NSD1: variants seen among roughly 807,000 people sequenced by gnomAD.
The protein encoded by NSD1 is histone-lysine N-methyltransferase, H3 lysine-36 specific.
NSD1 carries 26 observed loss-of-function variants against 242.7 expected under a neutral mutation model. The ratio of observed to expected loss-of-function variants is 0.11; its 90% CI spans 0.08 to 0.15. The LOEUF (loss-of-function observed/expected upper bound fraction) is 0.15. NSD1 is among the 10% of genes least tolerant of loss of function. The pLI is 1.00. For missense variants in NSD1, 2,495 were observed against 3,272.8 expected, an observed-to-expected ratio of 0.76 and a Z score of 5.80; for synonymous variants, 1,106 against 1,178.1, an observed-to-expected ratio of 0.94 and a Z score of 1.25.
chr5:177,218,898 A>G (rs1764015871), intron 5 of NSD1, among the ~76,000 whole-genome samples: 1 of 150,978 alleles, frequency 6.6e-6, no homozygotes, highest in Non-Finnish European at 1.5e-5. Context: ...AGCTGGCCCT[A>G]ACGGGAGCCG....
rs1756526570 is a variant in NSD1, at chr5:177,257,079, G to A, written c.4894G>A (p.Gly1632Ser). The change falls in exon 13 of 23, where the codon GGC (glycine) becomes AGC (serine). Residue 1632 changes from glycine to serine, a missense_variant. Transcript: ENST00000439151. ...KYPPTVMQNK[G>S]FRCSLHICIT... The stretch of plus-strand genomic sequence containing the variant: ...CCCACCCACTGTTATGCAGAACAAG[G>A]GCTTCCGGTGCTCCCTCCACATCTG... 1 of 1,613,932 alleles carries A rather than the reference G, an allele frequency of 6.2e-7. No homozygotes were observed. The highest frequency in any genetic ancestry group is 1.1e-5 in the South Asian group (1 of 91,072).
intron 17 of NSD1, among the ~76,000 whole-genome samples, chr5:177,274,404 T>G (rs1334744340): frequency 6.6e-6 from 1 of 152,238 alleles, no homozygotes; most frequent in Non-Finnish European, 1.5e-5. Context: ...GAAATTTTAG[T>G]GTTATGTTGT....
Position 177,298,990 on chromosome 5 carries a change from T to G in NSD1, c.*3531T>G, listed in dbSNP as rs1225160670. ...GAGAAGGAGCTGCCTCCAGCCCCTT[T>G]CTTGCTGAGTTTCATTTGAGCAGTT... On this transcript the variant is annotated 3_prime_UTR_variant, in exon 23 of 23. Transcript: ENST00000439151. 3 of 233,186 alleles carry G rather than the reference T, an allele frequency of 1.3e-5. No homozygotes were observed. The Admixed American group carries it at 1.7e-4, about 13-fold the overall frequency. The allele number at this position is 233,186 out of a possible 1,614,324, so 14.4% of individuals were successfully genotyped here.
intron 5 of NSD1, among the ~76,000 whole-genome samples, chr5:177,235,419 G>A (rs1427979704): frequency 3.3e-5 from 5 of 151,948 alleles, no homozygotes; most frequent in Admixed American, 6.6e-5. Context: ...GATCCCAAGC[G>A]TTTCAGATAA....
At chr5:177,237,970 C>T (rs1765585043) in intron 6 of NSD1, among the ~76,000 whole-genome samples, 1 of 152,156 alleles carries the variant, frequency 6.6e-6, no homozygotes, top group African/African-American at 2.4e-5. Context: ...CCAATAACTC[C>T]CTTTTCTGCT....
intron 14 of NSD1, among the ~76,000 whole-genome samples, chr5:177,262,958 G>T (rs1376344936): frequency 6.6e-6 from 1 of 152,156 alleles, no homozygotes; most frequent in Non-Finnish European, 1.5e-5. Flanking sequence ...AGATTAAATT[G>T]TGTATTCAGT....
chr5:177,273,941 C>T (rs1056116259), intron 17 of NSD1, among the ~76,000 whole-genome samples, 157 bp downstream of exon 17: 3 of 152,294 alleles, frequency 2.0e-5, no homozygotes, highest in Admixed American at 2.0e-4. Context: ...CACGGTGGCT[C>T]ACGCTTGTAA....
At chr5:177,215,753 A>G (rs967466377) in intron 5 of NSD1, among the ~76,000 whole-genome samples, 2 of 152,122 alleles carry the variant, frequency 1.3e-5, no homozygotes, top group African/African-American at 4.8e-5. Context: ...TCGGCCTCCC[A>G]AAGTGTTGGG....
intron 8 of NSD1, among the ~76,000 whole-genome samples, chr5:177,243,310 G>A (rs1294051099): frequency 1.3e-5 from 2 of 151,980 alleles, no homozygotes; most frequent in African/African-American, 2.4e-5. Context: ...TCAGCCTCCC[G>A]AGTAGCTGGG....
intron 19 of NSD1, among the ~76,000 whole-genome samples, chr5:177,283,102 C>T (rs1444341968): frequency 3.3e-5 from 5 of 152,028 alleles, no homozygotes; most frequent in African/African-American, 4.8e-5. Context: ...TACAGGCATC[C>T]GCCACCACGC....
chr5:177,277,020 A>G (rs1758446975), intron 17 of NSD1, among the ~76,000 whole-genome samples: 1 of 152,200 alleles, frequency 6.6e-6, no homozygotes, highest in African/African-American at 2.4e-5. Flanking sequence ...GTCAGATAAC[A>G]GCAAGGTAGG....
At chr5:177,264,601 CA>C (rs1423779580) in intron 14 of NSD1, among the ~76,000 whole-genome samples, 1 of 152,190 alleles carries the variant, frequency 6.6e-6, no homozygotes, top group Non-Finnish European at 1.5e-5. Context: ...ACAATACAGA[CA>C]AAAGTGAGCT....
intron 2 of NSD1, among the ~76,000 whole-genome samples, chr5:177,170,755 C>A (rs1026978667): frequency 1.3e-5 from 2 of 152,098 alleles, no homozygotes; most frequent in African/African-American, 4.8e-5. Context: ...GTTATATAAT[C>A]ATTTTCTATA....
At chr5:177,276,651 C>A (rs1196201302) in intron 17 of NSD1, among the ~76,000 whole-genome samples, 1 of 152,050 alleles carries the variant, frequency 6.6e-6, no homozygotes, top group South Asian at 2.1e-4. Flanking sequence ...TTCTCCCCCC[C>A]TTTATTAGAG....
intron 2 of NSD1, among the ~76,000 whole-genome samples, chr5:177,185,037 G>A (rs2149812476): frequency 1.3e-5 from 2 of 152,118 alleles, no homozygotes; most frequent in Middle Eastern, 6.8e-3. Context: ...GGAGTTTTTG[G>A]TAACTAAAAC....
Position 177,282,563 on chromosome 5 carries a change from T to C in NSD1, c.5991T>C (p.Tyr1997=). 6.2e-7 allele frequency: 1 copy of C among 1,606,904 alleles called. No individual in the cohort carries two copies. Among genetic ancestry groups the C allele is most frequent in the East Asian group, 2.2e-5 (1 of 44,834 alleles). ...YAQEHDITNF[Y]MLTLDKDRII... ...AAGAACATGATATCACTAATTTCTA[T>C]ATGCTCACCCTAGACAAAGTAAGTA... The change falls in exon 19 of 23, where the codon TAT becomes TAC. Residue 1997 remains tyrosine (Y), a synonymous_variant. Coordinates refer to ENST00000439151, the MANE Select transcript of NSD1 (RefSeq NM_022455.5).
At chr5:177,246,919 A>T (rs948489917) in intron 10 of NSD1, 123 bp downstream of exon 10, 2 of 745,784 alleles carry the variant, frequency 2.7e-6, no homozygotes, top group African/African-American at 3.5e-5. Context: ...GCTGATGGCC[A>T]TAAGGAATCT....
intron 3 of NSD1, among the ~76,000 whole-genome samples, chr5:177,193,705 C>T (rs1222820606): frequency 6.6e-6 from 1 of 152,172 alleles, no homozygotes; most frequent in Non-Finnish European, 1.5e-5. Context: ...TTACTCTCTG[C>T]TTTGCTGTGA....
At chr5:177,239,899 A>G in intron 8 of NSD1, 34 bp downstream of exon 8, 1 of 1,342,228 alleles carries the variant, frequency 7.5e-7, no homozygotes, top group South Asian at 1.2e-5. Flanking sequence ...AAAGAAATAA[A>G]CTCAGGAAAT....
Sources: allele counts gnomAD v4.1 joint callset (sites outside exome capture counted in the v4.1 genomes callset), GRCh38; gene constraint gnomAD v4.1.1; transcripts MANE v1.5; gene names NCBI Gene and HGNC (gene_info 2026-07-23, HGNC 2026-07-21).